NRG2: variants seen among roughly 807,000 people sequenced by gnomAD.
NRG2 encodes pro-neuregulin-2, membrane-bound isoform.
NRG2 carries 27 observed loss-of-function variants against 73.9 expected under a neutral mutation model. The observed-to-expected ratio is 0.37, with a 90% CI of 0.27 to 0.50. The LOEUF (loss-of-function observed/expected upper bound fraction) is 0.50, where lower values mean the gene tolerates loss of function less well. Among genes scored for constraint, NRG2 ranks in the 20% least tolerant of loss-of-function variants. The pLI is 0.96. For missense variants in NRG2, 1,126 were observed against 1,210.1 expected (o/e 0.93, Z 1.03); for synonymous variants, 532 against 541.0 (o/e 0.98, Z 0.23).
At position 140,009,260 on chromosome 5, in the gene NRG2, T is replaced by C. The variant is rs116574892; in HGVS notation, c.700+33110A>G. Among the ~76,000 whole-genome samples the C allele has an allele frequency of 2.5e-3, 379 of 152,342 alleles. 2 individuals are homozygous for C. Among genetic ancestry groups the C allele is most frequent in the African/African-American group, 8.4e-3 (351 of 41,572 alleles). Reference sequence around the variant, plus strand: ...GCTGGACACATGGAATCTCTCACTGTCTTGCCTCCAGTTGAAAGAGGCCTC... The same window carrying C: ...GCTGGACACATGGAATCTCTCACTGCCTTGCCTCCAGTTGAAAGAGGCCTC... On this transcript the variant is annotated intron_variant, in intron 1 of 9. Transcript: ENST00000361474.
chr5:139,998,484 G>T (rs984756629), intron 1 of NRG2, among the ~76,000 whole-genome samples: 1 of 152,138 alleles, frequency 6.6e-6, no homozygotes, highest in African/African-American at 2.4e-5. Context: ...CACAAGATCT[G>T]CTCCAGTTCC....
chr5:140,029,826 A>AAAG (rs1473257076), intron 1 of NRG2, among the ~76,000 whole-genome samples: 1 of 152,172 alleles, frequency 6.6e-6, no homozygotes, highest in East Asian at 1.9e-4. Context: ...AAAGTGGTCA[A>AAAG]AAGAAGACAT....
chr5:139,922,832 A>G (rs1004489826), intron 1 of NRG2, among the ~76,000 whole-genome samples: 1 of 152,216 alleles, frequency 6.6e-6, no homozygotes, highest in African/African-American at 2.4e-5. Flanking sequence ...GTATATTACT[A>G]AGTGAAGGAA....
chr5:140,043,250 G>T lies in NRG2; in HGVS notation c.-181C>A. On this transcript the variant is annotated 5_prime_UTR_variant, in exon 1 of 10. Coordinates refer to ENST00000361474, the MANE Select transcript of NRG2 (RefSeq NM_004883.3). This position sits in a 1 kb window ranked among gnomAD's most constrained non-coding sequence, Gnocchi z 6.7. ...CGGCAAGCGGGCCGCGATGCGCAGC[G>T]CGGCGCAGCGCAGCGCTCCCACCCT... The T allele has an allele frequency of 1.6e-6, 1 of 617,810 alleles. No individual in the cohort carries two copies. Among genetic ancestry groups the T allele is most frequent in the Non-Finnish European group, 2.7e-6 (1 of 368,502 alleles). The allele number at this position is 617,810 out of a possible 1,614,324, so 38.3% of individuals were successfully genotyped here. A position where few individuals can be genotyped will look rare whatever the true frequency, so the allele number is the denominator to read the frequency against.
At chr5:140,027,786 A>G (rs2126682232) in intron 1 of NRG2, among the ~76,000 whole-genome samples, 1 of 152,328 alleles carries the variant, frequency 6.6e-6, no homozygotes, top group African/African-American at 2.4e-5. Context: ...GGGGACTACT[A>G]TACTAGCAGG....
chr5:140,009,075 TC>T (rs962554355), intron 1 of NRG2, among the ~76,000 whole-genome samples: 4 of 152,200 alleles, frequency 2.6e-5, no homozygotes, highest in African/African-American at 7.2e-5. Context: ...TCCTATGCTT[TC>T]CCTAAAAGAT....
chr5:140,005,775 G>A (rs1758848205), intron 1 of NRG2, among the ~76,000 whole-genome samples: 1 of 152,182 alleles, frequency 6.6e-6, no homozygotes, highest in Non-Finnish European at 1.5e-5. Flanking sequence ...TACACTTTCA[G>A]CATGGCTCTT....
intron 1 of NRG2, among the ~76,000 whole-genome samples, chr5:139,969,705 AT>A (rs1755833692): frequency 6.6e-6 from 1 of 152,184 alleles, no homozygotes; most frequent in Non-Finnish European, 1.5e-5. Flanking sequence ...GCCCTCAAGT[AT>A]TTTAGAGTTT....
intron 1 of NRG2, among the ~76,000 whole-genome samples, chr5:140,035,215 C>T (rs1761421796): frequency 6.6e-6 from 1 of 152,156 alleles, no homozygotes; most frequent in Admixed American, 6.5e-5. Context: ...ATTGATTCAT[C>T]TCTATCCCCA....
In NRG2 at chr5:139,884,314, C is replaced by G. The variant is rs546399769; in HGVS notation, c.872+3026G>C. Among the ~76,000 whole-genome samples the G allele has an allele frequency of 2.0e-5, 3 of 152,224 alleles. 1 individual carries two copies. In the South Asian group the frequency reaches 6.2e-4, roughly 32 times the overall value. On this transcript the variant is annotated intron_variant, in intron 2 of 9. Coordinates refer to ENST00000361474, the MANE Select transcript of NRG2 (RefSeq NM_004883.3). The stretch of plus-strand genomic sequence containing the variant: ...GACAGTTAAGCTGGGCCTTGGAGAG[C>G]CTTGCCAGGGACAAGTGAGGGGAGG...
chr5:139,917,841 G>A lies in NRG2; in HGVS notation c.701-30330C>T, dbSNP rs142731728. Among the ~76,000 whole-genome samples, 71 of 152,160 alleles carry A rather than the reference G, an allele frequency of 4.7e-4. No homozygotes were observed. The East Asian group carries it at 6.7e-3, about 14-fold the overall frequency. On this transcript the variant is annotated intron_variant, in intron 1 of 9. Transcript: ENST00000361474. The stretch of plus-strand genomic sequence containing the variant: ...AAATTTTTCTCCCAATCTGTGGGTC[G>A]TCTTTTCACTTTCTTGATGGTATCC...
At position 139,930,230 on chromosome 5, in the gene NRG2, T is replaced by C. The variant is rs557043859; in HGVS notation, c.701-42719A>G. On this transcript the variant is annotated intron_variant, in intron 1 of 9. Transcript: ENST00000361474. ...TGTCTCTTTCAACAAATGTGCTGTT[T>C]CCTACTTTCCCTGGGGCAAGAAGGT... Among the ~76,000 whole-genome samples, 16 of 152,338 alleles carry C rather than the reference T, an allele frequency of 1.1e-4. No homozygotes were observed. The South Asian group carries it at 2.9e-3, about 28-fold the overall frequency.
intron 1 of NRG2, among the ~76,000 whole-genome samples, chr5:139,922,936 C>A: frequency 6.6e-6 from 1 of 152,034 alleles, no homozygotes. Flanking sequence ...TCAGTGATTG[C>A]CAGAGGTTGA....
rs191225185 is a variant in NRG2, at chr5:139,916,946, C to G, written c.701-29435G>C. ...GAAATCCCACTTGGAAGTAAGATTG[C>G]TCAGTCATATTGTAACTCTACGTTT... On this transcript the variant is annotated intron_variant, in intron 1 of 9. Coordinates refer to ENST00000361474, the MANE Select transcript of NRG2 (RefSeq NM_004883.3). Among the ~76,000 whole-genome samples, 730 of 152,258 alleles carry G rather than the reference C, an allele frequency of 4.8e-3. 3 individuals are homozygous for G. Among genetic ancestry groups the G allele is most frequent in the Middle Eastern group, 0.01 (3 of 294 alleles).
chr5:139,895,674 C>T (rs1561662825), intron 1 of NRG2, among the ~76,000 whole-genome samples: 1 of 152,208 alleles, frequency 6.6e-6, no homozygotes, highest in East Asian at 1.9e-4. Flanking sequence ...CATTTATAAA[C>T]CACACTCTGT....
rs76630826 is a variant in NRG2 at position 139,970,120 on chromosome 5, C to T, written c.700+72250G>A. 2.8e-3 allele frequency among the ~76,000 whole-genome samples: 424 copies of T among 152,122 alleles called. 1 individual carries two copies. The highest frequency in any genetic ancestry group is 9.7e-3 in the African/African-American group (404 of 41,494). ...ATTCTCCACATTCTCCAATTCATGCCACAGGATAATGGTTTTGTATTACAA... is the reference window on the plus strand; with the variant it reads ...ATTCTCCACATTCTCCAATTCATGCTACAGGATAATGGTTTTGTATTACAA... On this transcript the variant is annotated intron_variant, in intron 1 of 9. Transcript: ENST00000361474.
chr5:140,006,142 T>C (rs1758879395), intron 1 of NRG2, among the ~76,000 whole-genome samples: 1 of 152,220 alleles, frequency 6.6e-6, no homozygotes, highest in Non-Finnish European at 1.5e-5. Context: ...CTGTCAATAA[T>C]ACTAAAATGT....
chr5:139,910,480 A>G (rs1223105697), intron 1 of NRG2, among the ~76,000 whole-genome samples: 1 of 152,252 alleles, frequency 6.6e-6, no homozygotes, highest in African/African-American at 2.4e-5. Context: ...GTTCTGAGCA[A>G]GACTTAGTTT....
At position 139,847,324 on chromosome 5, in the gene NRG2, C is replaced by T. The variant is rs377054109; in HGVS notation, c.*593G>A. On this transcript the variant is annotated 3_prime_UTR_variant, in exon 10 of 10. Coordinates refer to ENST00000361474, the MANE Select transcript of NRG2 (RefSeq NM_004883.3). ...TGTGAGTAGCCAGGGCTTCCCCATTCGGGTAGCTGTGTCTTTATCTCCCCC... is the reference window on the plus strand; with the variant it reads ...TGTGAGTAGCCAGGGCTTCCCCATTTGGGTAGCTGTGTCTTTATCTCCCCC... 2 of 151,992 alleles carry T rather than the reference C, an allele frequency of 1.3e-5. No individual in the cohort carries two copies. Among genetic ancestry groups the T allele is most frequent in the Admixed American group, 1.3e-4 (2 of 15,264 alleles). 9.4% of individuals were successfully genotyped at this position (151,992 alleles called of 1,614,324 possible).
Sources: gnomAD v4.1 joint callset for allele counts (sites outside exome capture counted in the v4.1 genomes callset) on GRCh38, gnomAD v4.1.1 for gene constraint, Gnocchi (gnomAD v3.1) non-coding constraint, MANE v1.5 for transcripts, NCBI Gene and HGNC (gene_info 2026-07-23, HGNC 2026-07-21) for gene names.